TRIM69: variants seen among roughly 807,000 people sequenced by gnomAD.
TRIM69 encodes E3 ubiquitin-protein ligase TRIM69.
TRIM69 carries 29 observed loss-of-function variants against 37.7 expected under a neutral mutation model. The ratio of observed to expected loss-of-function variants is 0.77; its 90% CI spans 0.57 to 1.05. The LOEUF (loss-of-function observed/expected upper bound fraction) is 1.05, where lower values mean the gene tolerates loss of function less well. Among genes scored for constraint, TRIM69 ranks in the 50% least tolerant of loss-of-function variants. The probability of loss-of-function intolerance (pLI) is 0.00; values close to 1 mark genes in which losing one functional copy is unlikely to be tolerated. For missense variants in TRIM69, 596 were observed against 579.9 expected, an observed-to-expected ratio of 1.03 and a Z score of -0.28; for synonymous variants, 209 against 212.4, an observed-to-expected ratio of 0.98 and a Z score of 0.14.
At chr15:44,740,492 A>G (rs1376044247) in intron 1 of TRIM69, among the ~76,000 whole-genome samples, 1 of 152,264 alleles carries the variant, frequency 6.6e-6, no homozygotes, top group Non-Finnish European at 1.5e-5. Flanking sequence ...AAAAGAATTT[A>G]GATGAATGTA....
chr15:44,757,206 A>G (rs112104829), intron 3 of TRIM69: 2 of 152,198 alleles, frequency 1.3e-5, no homozygotes, highest in Non-Finnish European at 2.9e-5. Context: ...GCATTCATTC[A>G]TTCATTTAAC....
Position 44,767,760 on chromosome 15 carries a change from A to G in TRIM69, c.1491A>G (p.Leu497=). Reference sequence around the variant, plus strand: ...AGAATAAAGAACCATTGCACATCTTACATCCACAGTAATGAGTCATAATAT... The same window carrying G: ...AGAATAAAGAACCATTGCACATCTTGCATCCACAGTAATGAGTCATAATAT... ...GGENKEPLHI[L]HPQ Residue 497 remains leucine (L), a synonymous_variant, in exon 7 of 7, where the codon TTA becomes TTG. Coordinates refer to ENST00000329464, the MANE Select transcript of TRIM69 (RefSeq NM_182985.5). 3.1e-6 allele frequency: 5 copies of G among 1,611,434 alleles called. No individual in the cohort carries two copies. The highest frequency in any genetic ancestry group is 3.4e-6 in the Non-Finnish European group (4 of 1,179,456).
At chr15:44,745,845 T>G (rs1397003877) in intron 1 of TRIM69, among the ~76,000 whole-genome samples, 2 of 152,060 alleles carry the variant, frequency 1.3e-5, no homozygotes, top group African/African-American at 4.8e-5. Context: ...CAATTGAGAT[T>G]ATGCTGAAGA....
chr15:44,749,908 A>G (rs1438581772), intron 1 of TRIM69, among the ~76,000 whole-genome samples: 1 of 152,220 alleles, frequency 6.6e-6, no homozygotes, highest in Non-Finnish European at 1.5e-5. Flanking sequence ...CCATTAAAAA[A>G]TTACGGCAAT....
intron 1 of TRIM69, among the ~76,000 whole-genome samples, chr15:44,739,956 T>C (rs796646792): frequency 1.3e-5 from 2 of 151,348 alleles, no homozygotes; most frequent in African/African-American, 4.9e-5. Flanking sequence ...CCTGACCCCC[T>C]AGCAGCCTAA....
intron 1 of TRIM69, among the ~76,000 whole-genome samples, chr15:44,749,005 C>G (rs563712553): frequency 6.6e-6 from 1 of 151,656 alleles, no homozygotes; most frequent in Non-Finnish European, 1.5e-5. Flanking sequence ...CTCAGCCTTC[C>G]GAGTAGCCGG....
intron 6 of TRIM69, among the ~76,000 whole-genome samples, chr15:44,761,930 A>G (rs2087784208): frequency 6.6e-6 from 1 of 151,784 alleles, no homozygotes; most frequent in Non-Finnish European, 1.5e-5. Context: ...TTTCTTAAAT[A>G]TTTTTTCTCA....
rs770411290 is a variant in TRIM69 at position 44,759,871 on chromosome 15, A to T, written c.960A>T (p.Pro320=). Residue 320 remains proline, a splice_region_variant and synonymous_variant, in exon 6 of 7, where the codon CCA becomes CCT. Transcript: ENST00000329464. Reference sequence around the variant, plus strand: ...GGGAAATGCAGGACACTCTCTGCCCAGGTATCAGTGGGTAGTAACTATTGG... The same window carrying T: ...GGGAAATGCAGGACACTCTCTGCCCTGGTATCAGTGGGTAGTAACTATTGG... The part of the protein sequence containing the change: ...VWREMQDTLC[P]GLSPLTLDPK... 3.1e-6 allele frequency: 5 copies of T among 1,609,906 alleles called. No individual in the cohort carries two copies. The East Asian group carries it at 1.1e-4, about 36-fold the overall frequency.
chr15:44,736,642 A>C lies in TRIM69; in HGVS notation c.-63A>C. 5.6e-6 allele frequency: 9 copies of C among 1,601,402 alleles called. No individual in the cohort carries two copies. The highest frequency in any genetic ancestry group is 7.7e-6 in the Non-Finnish European group (9 of 1,174,988). ...GGTCCCTGACTCCCAGTCTGCAGCCATCCTGGGCCTGCTGAGCTCTGATTC... is the reference window on the plus strand; with the variant it reads ...GGTCCCTGACTCCCAGTCTGCAGCCCTCCTGGGCCTGCTGAGCTCTGATTC... On this transcript the variant is annotated 5_prime_UTR_variant, in exon 1 of 7. Coordinates refer to ENST00000329464, the MANE Select transcript of TRIM69 (RefSeq NM_182985.5).
At chr15:44,759,691 A>G in intron 5 of TRIM69, 29 bp downstream of exon 5, 1 of 1,614,082 alleles carries the variant, frequency 6.2e-7, no homozygotes, top group South Asian at 1.1e-5. Flanking sequence ...TACTATTAAT[A>G]TCATTCCTTG....
intron 1 of TRIM69, among the ~76,000 whole-genome samples, chr15:44,740,569 C>T (rs183338281): frequency 6.6e-6 from 1 of 152,106 alleles, no homozygotes; most frequent in African/African-American, 2.4e-5. Context: ...TTCAGGAAAC[C>T]CATCTCACAT....
chr15:44,738,145 G>A (rs967083075), intron 1 of TRIM69, among the ~76,000 whole-genome samples: 6 of 147,964 alleles, frequency 4.1e-5, no homozygotes, highest in African/African-American at 1.5e-4. Context: ...TGCAACCTCC[G>A]CTTCCAGGGT....
chr15:44,749,986 A>G (rs1006574462), intron 1 of TRIM69, among the ~76,000 whole-genome samples: 2 of 152,222 alleles, frequency 1.3e-5, no homozygotes, highest in Non-Finnish European at 2.9e-5. Flanking sequence ...TAGTAATACT[A>G]AGTATCTTTC....
intron 1 of TRIM69, chr15:44,752,821 G>T (rs1222917237): frequency 2.0e-5 from 3 of 151,844 alleles, no homozygotes; most frequent in African/African-American, 7.3e-5. Flanking sequence ...GTTATAATTA[G>T]TCAACTTTAT....
intron 2 of TRIM69, among the ~76,000 whole-genome samples, chr15:44,755,901 G>A (rs796386943): frequency 2.0e-5 from 3 of 152,170 alleles, no homozygotes; most frequent in South Asian, 2.1e-4. Context: ...AGAAACAAAT[G>A]TTCCAAGTGA....
Position 44,767,489 on chromosome 15 carries a change from TAAC to T in TRIM69, c.1221_1223del (p.Thr408del). The T allele has an allele frequency of 6.2e-7, 1 of 1,614,222 alleles. No homozygotes were observed. Among genetic ancestry groups the T allele is most frequent in the South Asian group, 1.1e-5 (1 of 91,076 alleles). Reference sequence around the variant, plus strand: ...ATCATTCGGAAGGGCAGCTGTCCTCTAACTCCTGAGCAAGGATTCTGGCTTTTA... The same window carrying T: ...ATCATTCGGAAGGGCAGCTGTCCTCTTCCTGAGCAAGGATTCTGGCTTTTA... On this transcript the variant is annotated inframe_deletion, in exon 7 of 7. Coordinates refer to ENST00000329464, the MANE Select transcript of TRIM69 (RefSeq NM_182985.5).
chr15:44,742,361 A>G (rs557474581), intron 1 of TRIM69, among the ~76,000 whole-genome samples: 7,716 of 134,280 alleles, frequency 0.057, 650 homozygotes, highest in African/African-American at 0.2. Context: ...AGCCAATATC[A>G]TACTGAATGG....
intron 1 of TRIM69, among the ~76,000 whole-genome samples, chr15:44,743,297 T>G (rs1475767551): frequency 2.6e-5 from 4 of 152,190 alleles, no homozygotes; most frequent in Admixed American, 2.6e-4. Context: ...TCCCTACACC[T>G]TATACAAAAA....
chr15:44,762,769 G>A (rs1419991804), intron 6 of TRIM69, among the ~76,000 whole-genome samples: 1 of 151,802 alleles, frequency 6.6e-6, no homozygotes, highest in Non-Finnish European at 1.5e-5. Context: ...TGAAAAAATG[G>A]AAGACATTTA....
Sources: allele counts gnomAD v4.1 joint callset (sites outside exome capture counted in the v4.1 genomes callset), GRCh38; gene constraint gnomAD v4.1.1; transcripts MANE v1.5; gene names NCBI Gene and HGNC (gene_info 2026-07-23, HGNC 2026-07-21).